ZNF770: variants seen among roughly 807,000 people sequenced by gnomAD.
ZNF770 encodes zinc finger protein 770.
In ZNF770, 13 loss-of-function variants were observed where a neutral mutation model predicts 44.8. That is an observed-to-expected ratio of 0.29 (90% CI 0.19 to 0.46). The LOEUF is 0.46. ZNF770 is among the 20% of genes least tolerant of loss of function. ZNF770 has a pLI of 1.00. For synonymous variants in ZNF770, 304 were observed against 271.8 expected, an observed-to-expected ratio of 1.12 and a Z score of -1.17; for missense variants, 681 against 797.9, an observed-to-expected ratio of 0.85 and a Z score of 1.77.
chr15:34,986,390 G>A (rs2050434483), intron 2 of ZNF770, among the ~76,000 whole-genome samples: 1 of 152,238 alleles, frequency 6.6e-6, no homozygotes, highest in African/African-American at 2.4e-5. Flanking sequence ...TCAGTAGCTT[G>A]AATTAGAGAA....
In ZNF770 at chr15:34,982,582, C is replaced by G; in HGVS notation, c.853G>C (p.Asp285His). ...GGGACAATATAAATTGAGTGGACAT[C>G]AAGTGGATTATTCTCCTCAGATTCA... ...IGESEENNPL[D>H]VHSIYIVPFQ... Residue 285 changes from aspartate to histidine, a missense_variant, in exon 3 of 3, where the codon GAT (aspartate) becomes CAT (histidine). By Grantham distance (81) the Asp-to-His change is moderately conservative (BLOSUM62 -1). Transcript: ENST00000356321. 1 of 1,613,790 alleles carries G rather than the reference C, an allele frequency of 6.2e-7. No individual in the cohort carries two copies. The highest frequency in any genetic ancestry group is 8.5e-7 in the Non-Finnish European group (1 of 1,180,002).
Position 34,982,367 on chromosome 15 carries a change from A to G in ZNF770, c.1068T>C (p.Ser356=). 1 of 1,606,094 alleles carries G rather than the reference A, an allele frequency of 6.2e-7. No individual in the cohort carries two copies. The highest frequency in any genetic ancestry group is 8.5e-7 in the Non-Finnish European group (1 of 1,177,592). Reference sequence around the variant, plus strand: ...AACTCTTTTTAAATACTTTTTTCTCAGATTGAAAGTTATCTAATTTTTTAC... The same window carrying G: ...AACTCTTTTTAAATACTTTTTTCTCGGATTGAAAGTTATCTAATTTTTTAC... ...ARSKKLDNFQ[S]EKKVFKKSFL... The change falls in exon 3 of 3, where the codon TCT becomes TCC. Residue 356 remains serine, a synonymous_variant. Coordinates refer to ENST00000356321, the MANE Select transcript of ZNF770 (RefSeq NM_014106.4).
In ZNF770 at chr15:34,981,533, G is replaced by C. The variant is rs779182924; in HGVS notation, c.1902C>G (p.Phe634Leu). The stretch of plus-strand genomic sequence containing the variant: ...GTCTTTCCAGTTTAGATGGAGATCG[G>C]AAACTTTTAGCACAAACACTGCATC... ...LYRCSVCAKS[F>L]RSPSKLERHY... The change falls in exon 3 of 3, where the codon TTC (phenylalanine) becomes TTG (leucine). Residue 634 changes from phenylalanine (F) to leucine (L), a missense_variant. Physicochemically the swap from Phe to Leu is conservative, Grantham distance 22. Coordinates refer to ENST00000356321, the MANE Select transcript of ZNF770 (RefSeq NM_014106.4). The C allele has an allele frequency of 6.2e-7, 1 of 1,614,198 alleles. No individual in the cohort carries two copies. Among genetic ancestry groups the C allele is most frequent in the African/African-American group, 1.3e-5 (1 of 75,046 alleles).
chr15:34,987,735 C>G (rs2050444421), intron 1 of ZNF770, 62 bp from the exon 2 acceptor site: 1 of 152,242 alleles, frequency 6.6e-6, no homozygotes, highest in Non-Finnish European at 1.5e-5. Context: ...TTCTGCCCCA[C>G]TCGCCCCGGG....
In ZNF770 at chr15:34,981,768, T is replaced by A; in HGVS notation, c.1667A>T (p.Asn556Ile). The A allele has an allele frequency of 6.2e-7, 1 of 1,614,112 alleles. No homozygotes were observed. The highest frequency in any genetic ancestry group is 8.5e-7 in the Non-Finnish European group (1 of 1,180,024). Residue 556 changes from asparagine (N) to isoleucine (I), a missense_variant, in exon 3 of 3, where the codon AAT becomes ATT. Coordinates refer to ENST00000356321, the MANE Select transcript of ZNF770 (RefSeq NM_014106.4). ...SNHSGNNVNY[N>I]ASQQCQAPGV... ...AGGAGCCTGACATTGTTGGGAAGCA[T>A]TATAGTTAACATTATTACCTGAATG...
rs59814718 is a variant in ZNF770, at chr15:34,985,133, CA to C, written c.-56-1644del. On this transcript the variant is annotated intron_variant, in intron 2 of 2. Transcript: ENST00000356321. ...TGGGCAACAGAGCGAGAGACTGTCT[CA>C]AAAAAAAAAAAAAAAAAAAGTTTAG... 2.4e-3 allele frequency among the ~76,000 whole-genome samples: 251 copies of C among 105,794 alleles called. 1 individual carries two copies. Among genetic ancestry groups the C allele is most frequent in the Middle Eastern group, 5.4e-3 (1 of 186 alleles). 69.4% of individuals were successfully genotyped at this position (105,794 alleles called of 152,430 possible). A position where few individuals can be genotyped will look rare whatever the true frequency, so the allele number is the denominator to read the frequency against.
chr15:34,980,389 TTTAAA>T lies in ZNF770; in HGVS notation c.*965_*969del, dbSNP rs1266790167. ...GGTACATCCTAGCCTCTCGCCTACT[TTTAAA>T]TTATTTTGAGAAAGATAGCACTAGC... On this transcript the variant is annotated 3_prime_UTR_variant, in exon 3 of 3. Coordinates refer to ENST00000356321, the MANE Select transcript of ZNF770 (RefSeq NM_014106.4). 1 of 152,148 alleles carries T rather than the reference TTTAAA, an allele frequency of 6.6e-6. No individual in the cohort carries two copies. Among genetic ancestry groups the T allele is most frequent in the Admixed American group, 6.5e-5 (1 of 15,286 alleles). The allele number at this position is 152,148 out of a possible 1,614,324, so 9.4% of individuals were successfully genotyped here.
intron 2 of ZNF770, among the ~76,000 whole-genome samples, chr15:34,986,430 A>G (rs1286883612): frequency 6.6e-6 from 1 of 152,232 alleles, no homozygotes; most frequent in Non-Finnish European, 1.5e-5. Flanking sequence ...CAAAGTCTCT[A>G]AACATGCCGA....
chr15:34,983,647 T>C (rs912158739), intron 2 of ZNF770, among the ~76,000 whole-genome samples, 157 bp from the exon 3 acceptor site: 3 of 152,192 alleles, frequency 2.0e-5, no homozygotes, highest in Non-Finnish European at 4.4e-5. Context: ...TTTAGAATAA[T>C]AATACTAATT....
intron 2 of ZNF770, among the ~76,000 whole-genome samples, chr15:34,984,390 G>A (rs1178698132): frequency 6.6e-6 from 1 of 152,176 alleles, no homozygotes; most frequent in Non-Finnish European, 1.5e-5. Flanking sequence ...TGGCGCCGTG[G>A]CTCACGCCTG....
intron 2 of ZNF770, among the ~76,000 whole-genome samples, chr15:34,987,266 GA>G: frequency 6.6e-6 from 1 of 152,270 alleles, no homozygotes; most frequent in Middle Eastern, 3.4e-3. Context: ...CCACCACGTG[GA>G]AAAGCACTTA....
In ZNF770 at chr15:34,982,661, G is replaced by A; in HGVS notation, c.774C>T (p.Pro258=). 6.2e-7 allele frequency: 1 copy of A among 1,612,684 alleles called. No homozygotes were observed. The highest frequency in any genetic ancestry group is 1.1e-5 in the South Asian group (1 of 91,016). The change falls in exon 3 of 3, where the codon CCC becomes CCT. Residue 258 remains proline (P), a synonymous_variant. Coordinates refer to ENST00000356321, the MANE Select transcript of ZNF770 (RefSeq NM_014106.4). ...GATTTGCATTTAACTTATTAGGCAG[G>A]GGGCGAGATTCTGTACGCCTCTTCT... ...LLKKRRTESR[P]LPNKLNANQG...
Position 34,980,382 on chromosome 15 carries a change from G to A in ZNF770, c.*977C>T, listed in dbSNP as rs960246848. On this transcript the variant is annotated 3_prime_UTR_variant, in exon 3 of 3. Coordinates refer to ENST00000356321, the MANE Select transcript of ZNF770 (RefSeq NM_014106.4). ...AAATATAGGTACATCCTAGCCTCTC[G>A]CCTACTTTTAAATTATTTTGAGAAA... is the stretch of plus-strand genomic sequence containing the variant. The A allele has an allele frequency of 2.6e-5, 4 of 151,936 alleles. No individual in the cohort carries two copies. The highest frequency in any genetic ancestry group is 6.6e-5 in the Admixed American group (1 of 15,250). 9.4% of individuals were successfully genotyped at this position (151,936 alleles called of 1,614,324 possible). A position where few individuals can be genotyped will look rare whatever the true frequency, so the allele number is the denominator to read the frequency against.
At chr15:34,987,786 T>G (rs1210395870) in intron 1 of ZNF770, 113 bp from the exon 2 acceptor site, 1 of 152,132 alleles carries the variant, frequency 6.6e-6, no homozygotes, top group Non-Finnish European at 1.5e-5. Context: ...TCCCTCCCAG[T>G]GGACTACACT....
Position 34,980,591 on chromosome 15 carries a change from A to G in ZNF770, c.*768T>C, listed in dbSNP as rs1442497043. ...CAAGAGATCGAGACCATCCTGGCCA[A>G]CTTGGTGAACCCCCGTCTCTACTAA... is the stretch of plus-strand genomic sequence containing the variant. On this transcript the variant is annotated 3_prime_UTR_variant, in exon 3 of 3. Coordinates refer to ENST00000356321, the MANE Select transcript of ZNF770 (RefSeq NM_014106.4). 6.6e-6 allele frequency: 1 copy of G among 152,104 alleles called. No individual in the cohort carries two copies. Among genetic ancestry groups the G allele is most frequent in the East Asian group, 1.9e-4 (1 of 5,192 alleles). 9.4% of individuals were successfully genotyped at this position (152,104 alleles called of 1,614,324 possible).
Position 34,982,975 on chromosome 15 carries a change from TCATGCTATA to T in ZNF770, c.451_459del (p.Tyr151_Met153del), listed in dbSNP as rs780503184. ...CATGCATGAATATTCTTTCTTCTTT[TCATGCTATA>T]CATGGGATCAGACTTAGAGCACGGG... On this transcript the variant is annotated inframe_deletion, in exon 3 of 3. Transcript: ENST00000356321. The T allele has an allele frequency of 2.8e-4, 457 of 1,614,116 alleles. 7 individuals are homozygous for T. The East Asian group carries it at 0.01, about 35-fold the overall frequency.
At chr15:34,985,485 T>A (rs114693958) in intron 2 of ZNF770, among the ~76,000 whole-genome samples, 7 of 152,030 alleles carry the variant, frequency 4.6e-5, no homozygotes, top group Admixed American at 2.0e-4. Flanking sequence ...AAAAAAAAAA[T>A]TACTGAACAA....
intron 2 of ZNF770, among the ~76,000 whole-genome samples, chr15:34,984,395 C>G (rs923865151): frequency 6.6e-6 from 1 of 152,162 alleles, no homozygotes; most frequent in African/African-American, 2.4e-5. Context: ...CCGTGGCTCA[C>G]GCCTGTAATC....
In ZNF770 at chr15:34,982,153, T is replaced by C. The variant is rs1474464371; in HGVS notation, c.1282A>G (p.Ile428Val). The C allele has an allele frequency of 1.9e-6, 3 of 1,613,888 alleles. No homozygotes were observed. Among genetic ancestry groups the C allele is most frequent in the Non-Finnish European group, 2.5e-6 (3 of 1,179,964 alleles). ...TTCACTGAATTATCAATGCTTAATATGTTTTCTGTCGTAAGGATGCCTTTC... is the reference window on the plus strand; with the variant it reads ...TTCACTGAATTATCAATGCTTAATACGTTTTCTGTCGTAAGGATGCCTTTC... ...NLKGILTTEN[I>V]LSIDNSVNKK... Residue 428 changes from isoleucine to valine, a missense_variant, in exon 3 of 3, where the codon ATA (isoleucine) becomes GTA (valine). Physicochemically the swap from Ile to Val is conservative, Grantham distance 29. This residue lies in a region of ZNF770 where 432 missense variants were observed against 434.1 expected (regional missense o/e 1.00). Coordinates refer to ENST00000356321, the MANE Select transcript of ZNF770 (RefSeq NM_014106.4).
Sources: allele counts gnomAD v4.1 joint callset (sites outside exome capture counted in the v4.1 genomes callset), GRCh38; gene constraint gnomAD v4.1.1; regional missense constraint gnomAD v4.1.1; transcripts MANE v1.5; gene names NCBI Gene and HGNC (gene_info 2026-07-23, HGNC 2026-07-21).